SGSM1: variants seen among roughly 807,000 people sequenced by gnomAD.
SGSM1 encodes the protein RUN and TBC1 domain containing 2.
In SGSM1, 73 loss-of-function variants were observed where a neutral mutation model predicts 133.8. The ratio of observed to expected loss-of-function variants is 0.55; its 90% CI spans 0.45 to 0.66. SGSM1 has a LOEUF of 0.66. Ranked by LOEUF, SGSM1 falls within the 30% of genes least tolerant of loss-of-function variation. The probability of loss-of-function intolerance (pLI) is 0.00; values close to 1 mark genes in which losing one functional copy is unlikely to be tolerated. For synonymous variants in SGSM1, 563 were observed against 573.0 expected, an observed-to-expected ratio of 0.98 and a Z score of 0.25; for missense variants, 1,213 against 1,448.1, an observed-to-expected ratio of 0.84 and a Z score of 2.64.
At chr22:24,847,882 C>G in intron 4 of SGSM1, 86 bp downstream of exon 4, 1 of 1,494,998 alleles carries the variant, frequency 6.7e-7, no homozygotes, top group Non-Finnish European at 9.0e-7. Context: ...CCTGCAACCC[C>G]TAGCACTCTT....
At chr22:24,890,551 A>T (rs201678807) in intron 16 of SGSM1, among the ~76,000 whole-genome samples, 2 of 151,066 alleles carry the variant, frequency 1.3e-5, no homozygotes, top group Non-Finnish European at 2.9e-5. Flanking sequence ...TATTATTATT[A>T]TTTTTTTGAG....
intron 2 of SGSM1, among the ~76,000 whole-genome samples, chr22:24,827,529 A>G (rs576583985): frequency 6.6e-6 from 1 of 152,198 alleles, no homozygotes; most frequent in South Asian, 2.1e-4. Context: ...ACTAGCCAGC[A>G]GGTGGGAAGC....
At chr22:24,855,717 G>T (rs181550368) in intron 8 of SGSM1, 37 bp downstream of exon 8, 238 of 1,613,822 alleles carry the variant, frequency 1.5e-4, no homozygotes, top group Middle Eastern at 3.3e-4. Flanking sequence ...TTGCACTGAG[G>T]GTCTCACTCC....
intron 2 of SGSM1, among the ~76,000 whole-genome samples, chr22:24,834,621 CA>C (rs1929319624): frequency 6.6e-6 from 1 of 152,162 alleles, no homozygotes; most frequent in South Asian, 2.1e-4. Context: ...AATCAAAGAT[CA>C]AGGTGTCTAC....
intron 12 of SGSM1, among the ~76,000 whole-genome samples, chr22:24,872,595 T>C (rs1422899085): frequency 6.6e-6 from 1 of 152,224 alleles, no homozygotes; most frequent in African/African-American, 2.4e-5. Flanking sequence ...ATTTCACCTG[T>C]TCTTTTAACC....
chr22:24,865,749 A>C (rs1032533648), intron 9 of SGSM1, among the ~76,000 whole-genome samples: 2 of 152,154 alleles, frequency 1.3e-5, no homozygotes, highest in Non-Finnish European at 2.9e-5. Flanking sequence ...GAGAGCCTTC[A>C]GACTGCCATG....
At chr22:24,833,088 C>T (rs1483482067) in intron 2 of SGSM1, among the ~76,000 whole-genome samples, 1 of 151,926 alleles carries the variant, frequency 6.6e-6, no homozygotes, top group Non-Finnish European at 1.5e-5. Context: ...GCATCCACCA[C>T]CACGCCCGGC....
chr22:24,842,869 A>G (rs1182617574), intron 2 of SGSM1, among the ~76,000 whole-genome samples: 1 of 152,200 alleles, frequency 6.6e-6, no homozygotes, highest in Admixed American at 6.5e-5. Flanking sequence ...CATGATGATC[A>G]TTATCTTGTT....
chr22:24,850,863 C>T (rs1330086347), intron 5 of SGSM1, among the ~76,000 whole-genome samples: 3 of 151,966 alleles, frequency 2.0e-5, no homozygotes, highest in East Asian at 3.9e-4. Context: ...TTTGGGAGGC[C>T]GAGGCAGGTG....
intron 21 of SGSM1, among the ~76,000 whole-genome samples, chr22:24,908,427 T>C (rs566344936): frequency 2.0e-4 from 31 of 152,244 alleles, no homozygotes; most frequent in African/African-American, 7.5e-4. Context: ...ACCCAAAGAC[T>C]AGAAGAAAAT....
intron 8 of SGSM1, among the ~76,000 whole-genome samples, chr22:24,857,229 C>G (rs1326125367): frequency 1.4e-5 from 2 of 146,522 alleles, no homozygotes; most frequent in Non-Finnish European, 3.0e-5. Context: ...TGGTGAAACC[C>G]TATCTCTACT....
At chr22:24,886,443 C>T (rs1032143735) in intron 15 of SGSM1, among the ~76,000 whole-genome samples, 157 bp from the exon 16 acceptor site, 3 of 151,870 alleles carry the variant, frequency 2.0e-5, no homozygotes, top group African/African-American at 7.3e-5. Flanking sequence ...GTGGCTCACG[C>T]CTGTAATCCC....
intron 9 of SGSM1, among the ~76,000 whole-genome samples, chr22:24,861,262 G>T (rs1374488606): frequency 1.4e-5 from 2 of 147,826 alleles, no homozygotes; most frequent in Non-Finnish European, 3.0e-5. Context: ...CTGAGGCAGA[G>T]AATTGCCTGA....
intron 19 of SGSM1, among the ~76,000 whole-genome samples, chr22:24,900,498 C>T (rs1371663448): frequency 6.6e-6 from 1 of 151,984 alleles, no homozygotes; most frequent in Admixed American, 6.6e-5. Context: ...CTCCCGGGTT[C>T]AAGCGATTCT....
chr22:24,826,310 T>C (rs1362978536), intron 2 of SGSM1, among the ~76,000 whole-genome samples: 3 of 152,218 alleles, frequency 2.0e-5, no homozygotes, highest in Non-Finnish European at 2.9e-5. Flanking sequence ...GAAATTGACA[T>C]TTAACTGGGC....
intron 18 of SGSM1, 61 bp from the exon 19 acceptor site, chr22:24,897,911 G>A: frequency 7.0e-7 from 1 of 1,430,088 alleles, no homozygotes. Context: ...TTAGGTTGCT[G>A]ATGTAAGTAA....
intron 2 of SGSM1, among the ~76,000 whole-genome samples, chr22:24,834,185 GT>G (rs1929292067): frequency 6.6e-6 from 1 of 152,260 alleles, no homozygotes; most frequent in Non-Finnish European, 1.5e-5. Flanking sequence ...CAGCCACTGT[GT>G]ATGGGAGTTG....
At chr22:24,892,585 G>A (rs1242167487) in intron 16 of SGSM1, among the ~76,000 whole-genome samples, 2 of 152,138 alleles carry the variant, frequency 1.3e-5, no homozygotes, top group African/African-American at 2.4e-5. Flanking sequence ...CAGGTCATGC[G>A]TTGATTGAGT....
rs1289019741 is a variant in SGSM1 at position 24,898,263 on chromosome 22, C to A, written c.2314C>A (p.Pro772Thr). 6.2e-7 allele frequency: 1 copy of A among 1,613,814 alleles called. No homozygotes were observed. Among genetic ancestry groups the A allele is most frequent in the East Asian group, 2.2e-5 (1 of 44,862 alleles). The change falls in exon 19 of 25, where the codon CCC (proline) becomes ACC (threonine). Residue 772 changes from proline to threonine, a missense_variant. Transcript: ENST00000400358. ...SEATTSQDEA[P>T]REELAVQDSL... ...GGCCACCACATCTCAGGATGAGGCT[C>A]CCCGGGAGGAGCTGGCCGTGCAGGA...
Sources: allele counts gnomAD v4.1 joint callset (sites outside exome capture counted in the v4.1 genomes callset), GRCh38; gene constraint gnomAD v4.1.1; transcripts MANE v1.5; gene names NCBI Gene and HGNC (gene_info 2026-07-23, HGNC 2026-07-21).